The following IQCK variants were observed in gnomAD, a reference collection of about 807,000 sequenced individuals.
IQCK encodes IQ motif containing K, also known as IQ domain-containing protein K.
A neutral mutation model predicts 28.1 loss-of-function variants in IQCK; 29 were observed. The ratio of observed to expected loss-of-function variants is 1.03; its 90% CI spans 0.77 to 1.41. The LOEUF (loss-of-function observed/expected upper bound fraction) is 1.41, where lower values mean the gene tolerates loss of function less well. IQCK is among the 40% of genes most tolerant of loss of function. IQCK has a pLI of 0.00. For missense variants in IQCK, 359 were observed against 314.7 expected (o/e 1.14, Z -1.07); for synonymous variants, 113 against 115.1 (o/e 0.98, Z 0.12).
intron 6 of IQCK, chr16:19,764,403 A>G (rs2055197471): frequency 8.3e-6 from 2 of 241,318 alleles, no homozygotes; most frequent in African/African-American, 4.5e-5. Flanking sequence ...GTCTCTCTGA[A>G]TGTCATTATG....
At chr16:19,826,928 C>T (rs1301142060) in intron 7 of IQCK, 98 bp from the exon 8 acceptor site, 7 of 766,136 alleles carry the variant, frequency 9.1e-6, no homozygotes, top group Non-Finnish European at 1.6e-5. Context: ...ATCAAAAGTA[C>T]ATCCAACTGG....
intron 7 of IQCK, among the ~76,000 whole-genome samples, chr16:19,824,057 G>A (rs910429055): frequency 6.6e-6 from 1 of 152,140 alleles, no homozygotes; most frequent in Admixed American, 6.6e-5. Context: ...CTGGGGTTGG[G>A]GGATGGTTTT....
At chr16:19,751,951 A>T (rs924172658) in intron 4 of IQCK, among the ~76,000 whole-genome samples, 21 of 152,160 alleles carry the variant, frequency 1.4e-4, no homozygotes, top group African/African-American at 5.1e-4. Flanking sequence ...TTGGAAGGGG[A>T]AAAGGTTGTA....
At chr16:19,805,862 G>T (rs1056752066) in intron 7 of IQCK, among the ~76,000 whole-genome samples, 6 of 152,036 alleles carry the variant, frequency 3.9e-5, no homozygotes, top group African/African-American at 1.4e-4. Flanking sequence ...AAGATAGTTT[G>T]GTGGGGTGGG....
chr16:19,848,449 T>C (rs2056438442), intron 9 of IQCK, among the ~76,000 whole-genome samples: 1 of 152,228 alleles, frequency 6.6e-6, no homozygotes, highest in Non-Finnish European at 1.5e-5. Flanking sequence ...TTGGCTGTGT[T>C]TGATACCTGA....
At chr16:19,718,410 C>A in exon 1 of IQCK, 1 of 1,605,336 alleles carries the variant, frequency 6.2e-7, no homozygotes, top group Non-Finnish European at 8.5e-7. Flanking sequence ...GTGTCTCTCG[C>A]GTCCCGCGAG....
intron 6 of IQCK, among the ~76,000 whole-genome samples, chr16:19,781,709 C>T (rs572233345): frequency 2.0e-5 from 3 of 152,292 alleles, no homozygotes; most frequent in Middle Eastern, 3.4e-3. Context: ...GATGCCTCGG[C>T]AGGGCGTGGT....
chr16:19,828,231 C>CTTTTTTTT (rs749049124), downstream of IQCK, among the ~76,000 whole-genome samples: 11 of 107,246 alleles, frequency 1.0e-4, no homozygotes, highest in Admixed American at 5.5e-4. Flanking sequence ...TCTTTCTTTT[C>CTTTTTTTT]TTTTTTTTTT....
At chr16:19,748,671 T>C (rs1597515963) in intron 4 of IQCK, among the ~76,000 whole-genome samples, 1 of 152,252 alleles carries the variant, frequency 6.6e-6, no homozygotes, top group East Asian at 1.9e-4. Flanking sequence ...CATGAGTGAA[T>C]GGAGGGTGTA....
intron 9 of IQCK, among the ~76,000 whole-genome samples, chr16:19,840,519 C>T (rs972123796): frequency 1.2e-4 from 18 of 151,758 alleles, no homozygotes; most frequent in Non-Finnish European, 1.8e-4. Flanking sequence ...TTTTCTTTTT[C>T]GATTATCCAT....
rs149317032 is a variant in IQCK at position 19,823,562 on chromosome 16, A to T, written c.691-3464A>T. Among the ~76,000 whole-genome samples, 130 of 152,268 alleles carry T rather than the reference A, an allele frequency of 8.5e-4. 2 individuals carry two copies. In the East Asian group the frequency reaches 0.022, roughly 26 times the overall value. ...GGAAGCACTGACCGGGGCATGTGGC[A>T]TGTGACTGCCCCAGTTCTGCATGCT... On this transcript the variant is annotated intron_variant, in intron 7 of 7. Transcript: ENST00000564186.
chr16:19,765,067 A>G (rs1045630641), intron 6 of IQCK, among the ~76,000 whole-genome samples: 1 of 148,082 alleles, frequency 6.8e-6, no homozygotes, highest in Admixed American at 6.7e-5. Flanking sequence ...CTAAAAATAC[A>G]AAAAATTAGC....
At chr16:19,840,429 T>G (rs1373075595) in intron 9 of IQCK, among the ~76,000 whole-genome samples, 5 of 152,182 alleles carry the variant, frequency 3.3e-5, no homozygotes, top group Non-Finnish European at 7.3e-5. Context: ...AGTGATTATC[T>G]CTGGGTGGTT....
intron 4 of IQCK, among the ~76,000 whole-genome samples, chr16:19,755,771 G>A (rs1430197477): frequency 6.6e-6 from 1 of 152,192 alleles, no homozygotes; most frequent in Non-Finnish European, 1.5e-5. Context: ...TGGTAGAAGA[G>A]ATTATACTTC....
rs550609047 is a variant in IQCK at position 19,767,162 on chromosome 16, G to A, written c.605+3050G>A. Among the ~76,000 whole-genome samples, 220 of 152,290 alleles carry A rather than the reference G, an allele frequency of 1.4e-3. 2 individuals carry two copies. The highest frequency in any genetic ancestry group is 5.1e-3 in the African/African-American group (213 of 41,572). On this transcript the variant is annotated intron_variant, in intron 6 of 7. Transcript: ENST00000564186. ...GGTTGTCGGGCTCCCACCCGATGGC[G>A]GTGTCTATAGGTGAATTTACAGCTG...
chr16:19,760,092 C>A (rs1468680391), intron 4 of IQCK, among the ~76,000 whole-genome samples: 3 of 152,130 alleles, frequency 2.0e-5, no homozygotes, highest in African/African-American at 7.2e-5. Context: ...CCACTATACT[C>A]CAGCCTGGGT....
intron 9 of IQCK, among the ~76,000 whole-genome samples, chr16:19,838,567 G>A (rs1038938476): frequency 1.4e-4 from 21 of 152,118 alleles, no homozygotes; most frequent in African/African-American, 4.3e-4. Context: ...GCTGGGGCCC[G>A]GCCTACAGGA....
intron 4 of IQCK, 110 bp from the exon 5 acceptor site, chr16:19,763,738 C>T: frequency 1.2e-6 from 1 of 837,728 alleles, no homozygotes; most frequent in South Asian, 1.5e-5. Flanking sequence ...CCACCACACC[C>T]AGCCAGTGTT....
At chr16:19,823,926 C>T (rs533025922) in intron 7 of IQCK, among the ~76,000 whole-genome samples, 65 of 141,148 alleles carry the variant, frequency 4.6e-4, no homozygotes, top group Non-Finnish European at 8.2e-4. Flanking sequence ...GAGTGAGACT[C>T]CCTCTTAAAA....
Sources: allele counts gnomAD v4.1 joint callset (sites outside exome capture counted in the v4.1 genomes callset), GRCh38; gene constraint gnomAD v4.1.1; transcripts MANE v1.5; gene names NCBI Gene and HGNC (gene_info 2026-07-23, HGNC 2026-07-21).